TMEM255B: variants seen among roughly 807,000 people sequenced by gnomAD.
TMEM255B encodes transmembrane protein 255B.
A neutral mutation model predicts 34.5 loss-of-function variants in TMEM255B; 35 were observed. That is an observed-to-expected ratio of 1.01 (90% CI 0.77 to 1.34). The LOEUF is 1.34. Ranked by LOEUF, TMEM255B falls within the 40% of genes most tolerant of loss-of-function variation. TMEM255B has a pLI of 0.00. For synonymous variants in TMEM255B, 206 were observed against 201.2 expected, an observed-to-expected ratio of 1.02 and a Z score of -0.20; for missense variants, 432 against 433.2, an observed-to-expected ratio of 1.00 and a Z score of 0.02.
chr13:113,759,922 T>A (rs933142563), intron 1 of TMEM255B, among the ~76,000 whole-genome samples: 1 of 152,238 alleles, frequency 6.6e-6, no homozygotes, highest in Middle Eastern at 3.4e-3. Flanking sequence ...AGGCAAAGGC[T>A]GGGAAAACAG....
chr13:113,777,863 T>C (rs916864533), intron 3 of TMEM255B, among the ~76,000 whole-genome samples: 2 of 152,182 alleles, frequency 1.3e-5, no homozygotes, highest in African/African-American at 4.8e-5. Flanking sequence ...GCCTCCTCCT[T>C]GGCTGACCCT....
intron 3 of TMEM255B, among the ~76,000 whole-genome samples, chr13:113,772,724 T>TG (rs2050498254): frequency 6.6e-6 from 1 of 152,232 alleles, no homozygotes; most frequent in Non-Finnish European, 1.5e-5. Flanking sequence ...CATACATATA[T>TG]GGTTTATTTG....
chr13:113,807,919 A>T (rs2051215457), intron 8 of TMEM255B, among the ~76,000 whole-genome samples: 2 of 152,060 alleles, frequency 1.3e-5, no homozygotes, highest in Admixed American at 1.3e-4. Flanking sequence ...ATCCTCATCC[A>T]CCCTGGGGCT....
rs951422803 is a variant in TMEM255B, at chr13:113,803,357, T to G, written c.670-1528T>G. On this transcript the variant is annotated intron_variant, in intron 7 of 8. Transcript: ENST00000375353. ...TGTGAGTTTAACTGATTTTGCCATTTAAACATTTTGTTAAGGAATGAAGAT... is the reference window on the plus strand; with the variant it reads ...TGTGAGTTTAACTGATTTTGCCATTGAAACATTTTGTTAAGGAATGAAGAT... The G allele has an allele frequency of 1.2e-4, 18 of 148,232 alleles. 6 individuals carry two copies. Among genetic ancestry groups the G allele is most frequent in the Admixed American group, 4.0e-4 (6 of 14,874 alleles). The allele number at this position is 148,232 out of a possible 1,614,324, so 9.2% of individuals were successfully genotyped here.
rs918402512 is a variant in TMEM255B at position 113,802,841 on chromosome 13, C to T, written c.669+1029C>T. On this transcript the variant is annotated intron_variant, in intron 7 of 8. Transcript: ENST00000375353. ...GCCCCACCCTGGGCCCCCAGACGCC[C>T]GCACACCAACACAAGACAGGCACCT... Among the ~76,000 whole-genome samples, 8 of 148,378 alleles carry T rather than the reference C, an allele frequency of 5.4e-5. 1 individual carries two copies. Among genetic ancestry groups the T allele is most frequent in the Admixed American group, 2.0e-4 (3 of 14,910 alleles).
In TMEM255B at chr13:113,812,982, T is replaced by TGGGTCACAGGCCCCGGGTGGGTCACGGGC; in HGVS notation, c.*1079_*1080insGGGTCACAGGCCCCGGGTGGGTCACGGGC. On this transcript the variant is annotated 3_prime_UTR_variant, in exon 9 of 9. Coordinates refer to ENST00000375353, the MANE Select transcript of TMEM255B (RefSeq NM_182614.4). ...TCACGGGCCCCGGGTGGGTCACGGG[T>TGGGTCACAGGCCCCGGGTGGGTCACGGGC]CCCGGGTGGGTCACGGGTCCCGAGT... is the stretch of plus-strand genomic sequence containing the variant. 9.0e-6 allele frequency: 1 copy of TGGGTCACAGGCCCCGGGTGGGTCACGGGC among 110,764 alleles called. No individual in the cohort carries two copies. Among genetic ancestry groups the TGGGTCACAGGCCCCGGGTGGGTCACGGGC allele is most frequent in the South Asian group, 2.6e-4 (1 of 3,874 alleles). The allele number at this position is 110,764 out of a possible 1,614,324, so 6.9% of individuals were successfully genotyped here. A position where few individuals can be genotyped will look rare whatever the true frequency, so the allele number is the denominator to read the frequency against.
intron 3 of TMEM255B, among the ~76,000 whole-genome samples, chr13:113,778,716 A>C (rs2050620402): frequency 6.6e-6 from 1 of 152,038 alleles, no homozygotes; most frequent in African/African-American, 2.4e-5. Context: ...GACGATGATC[A>C]CCTGTGGTAC....
intron 3 of TMEM255B, among the ~76,000 whole-genome samples, chr13:113,783,266 A>G (rs2050692481): frequency 6.6e-6 from 1 of 151,974 alleles, no homozygotes. Flanking sequence ...CTGCGAGGGG[A>G]CAGGTGATCA....
intron 3 of TMEM255B, among the ~76,000 whole-genome samples, chr13:113,774,763 CCA>C (rs565430437): frequency 1.3e-3 from 181 of 140,438 alleles, no homozygotes; most frequent in African/African-American, 4.6e-3. Context: ...ACACCACACA[CCA>C]CACACAACAC....
chr13:113,801,611 A>G, intron 6 of TMEM255B, 42 bp from the exon 7 acceptor site: 1 of 1,545,550 alleles, frequency 6.5e-7, no homozygotes, highest in Non-Finnish European at 8.8e-7. Flanking sequence ...GCGGGTGGTC[A>G]CTTGCCTCGT....
Position 113,801,693 on chromosome 13 carries a change from A to T in TMEM255B, c.550A>T (p.Ser184Cys), listed in dbSNP as rs778366092. 9.9e-6 allele frequency: 16 copies of T among 1,611,294 alleles called. No individual in the cohort carries two copies. The highest frequency in any genetic ancestry group is 1.4e-5 in the Non-Finnish European group (16 of 1,179,216). Residue 184 changes from serine (S) to cysteine (C), a missense_variant, in exon 7 of 9, where the codon AGC becomes TGC. Transcript: ENST00000375353. ...CGCCTACTATGAGTTCATCGGCGTCAGCGGCTGCCAGGACGTGCTGCACCT... is the reference window on the plus strand; with the variant it reads ...CGCCTACTATGAGTTCATCGGCGTCTGCGGCTGCCAGGACGTGCTGCACCT... ...SPAYYEFIGV[S>C]GCQDVLHLYR...
At position 113,766,241 on chromosome 13, in the gene TMEM255B, A is replaced by G. The variant is rs769207966; in HGVS notation, c.173A>G (p.Tyr58Cys). Residue 58 changes from tyrosine (Y) to cysteine (C), a missense_variant, in exon 2 of 9, where the codon TAC (tyrosine) becomes TGC (cysteine). Transcript: ENST00000375353. Reference protein sequence around the residue: ...TRTENVTVGGYYPGIILGFGS... With the variant: ...TRTENVTVGGCYPGIILGFGS... ...ACGGAGAATGTGACCGTTGGGGGCTACTACCCAGGGATCATTGTGAGTGCG... is the reference window on the plus strand; with the variant it reads ...ACGGAGAATGTGACCGTTGGGGGCTGCTACCCAGGGATCATTGTGAGTGCG... 3.1e-6 allele frequency: 5 copies of G among 1,614,184 alleles called. No homozygotes were observed. The highest frequency in any genetic ancestry group is 1.3e-5 in the African/African-American group (1 of 75,056).
chr13:113,810,790 G>A (rs2051283451), intron 8 of TMEM255B, among the ~76,000 whole-genome samples: 2 of 152,210 alleles, frequency 1.3e-5, no homozygotes, highest in South Asian at 2.1e-4. Context: ...TGCCTCCACG[G>A]CAACACCCAG....
rs780506484 is a variant in TMEM255B at position 113,801,653 on chromosome 13, CGCAGA to C, written c.513_517del (p.Glu172LeufsTer6). On this transcript the variant is annotated frameshift_variant and splice_region_variant, in exon 7 of 9. Coordinates refer to ENST00000375353, the MANE Select transcript of TMEM255B (RefSeq NM_182614.4). LOFTEE classifies it high-confidence loss of function. ...ACGCCATGGTGCCCTCTCTGTGCAG[CGCAGA>C]GCCCTCGCCCGCCTACTATGAGTTC... The C allele has an allele frequency of 1.4e-5, 23 of 1,604,856 alleles. No homozygotes were observed. The highest frequency in any genetic ancestry group is 1.9e-5 in the Non-Finnish European group (22 of 1,174,764).
chr13:113,797,020 G>A (rs1432855055), intron 4 of TMEM255B, among the ~76,000 whole-genome samples: 1 of 152,238 alleles, frequency 6.6e-6, no homozygotes, highest in Non-Finnish European at 1.5e-5. Flanking sequence ...TGGGTGACTT[G>A]CTATTCTATG....
At chr13:113,782,822 G>C (rs1482565748) in intron 3 of TMEM255B, among the ~76,000 whole-genome samples, 1 of 152,204 alleles carries the variant, frequency 6.6e-6, no homozygotes, top group African/African-American at 2.4e-5. Context: ...AGTGTCCAGC[G>C]TTGCCACATC....
In TMEM255B at chr13:113,769,102, G is replaced by A. The variant is rs759131103; in HGVS notation, c.194G>A (p.Gly65Asp). 10 of 1,614,032 alleles carry A rather than the reference G, an allele frequency of 6.2e-6. No individual in the cohort carries two copies. In the Admixed American group the frequency reaches 1.5e-4, roughly 24 times the overall value. ...VGGYYPGIIL[G>D]FGSFLGIIGI... ...TCGTTCTTCCTTTGGTTTTAGCTCG[G>A]CTTTGGATCTTTCTTAGGAATTATT... The change falls in exon 3 of 9, where the codon GGC (glycine) becomes GAC (aspartate). Residue 65 changes from glycine (G) to aspartate (D), a missense_variant. Gly to Asp is a moderately conservative substitution (Grantham distance 94). Transcript: ENST00000375353. This position sits in a 1 kb window ranked among gnomAD's most constrained non-coding sequence, Gnocchi z 4.2.
At chr13:113,761,034 C>CT (rs1280021165) in intron 1 of TMEM255B, among the ~76,000 whole-genome samples, 2 of 152,064 alleles carry the variant, frequency 1.3e-5, no homozygotes, top group Non-Finnish European at 2.9e-5. Context: ...GGTTTTTCTG[C>CT]TTTGCCCTTC....
intron 3 of TMEM255B, among the ~76,000 whole-genome samples, chr13:113,792,053 G>A (rs1355313636): frequency 6.6e-6 from 1 of 152,272 alleles, no homozygotes; most frequent in East Asian, 1.9e-4. Context: ...CTGGAGGCCG[G>A]CTTTCATCTT....
Sources: gnomAD v4.1 joint callset for allele counts (sites outside exome capture counted in the v4.1 genomes callset) on GRCh38, gnomAD v4.1.1 for gene constraint, Gnocchi (gnomAD v3.1) non-coding constraint, MANE v1.5 for transcripts, NCBI Gene and HGNC (gene_info 2026-07-23, HGNC 2026-07-21) for gene names.